GGT7: variants seen among roughly 807,000 people sequenced by gnomAD.
GGT7 encodes the protein glutathione hydrolase 7.
In GGT7, 30 loss-of-function variants were observed where a neutral mutation model predicts 69.2. The observed-to-expected ratio is 0.43, with a 90% confidence interval of 0.32 to 0.59. The LOEUF (loss-of-function observed/expected upper bound fraction) is 0.59, where lower values mean the gene tolerates loss of function less well. Among genes scored for constraint, GGT7 ranks in the 20% least tolerant of loss-of-function variants. The pLI is 0.05. For missense variants in GGT7, 733 were observed against 901.1 expected, an observed-to-expected ratio of 0.81 and a Z score of 2.39; for synonymous variants, 388 against 391.8, an observed-to-expected ratio of 0.99 and a Z score of 0.12.
chr20:34,859,167 C>T (rs1291797394), intron 7 of GGT7, among the ~76,000 whole-genome samples: 1 of 84,834 alleles, frequency 1.2e-5, no homozygotes, highest in African/African-American at 8.6e-5. Flanking sequence ...AGGACTCCGT[C>T]TCATAAAAAA....
rs756059919 is a variant in GGT7, at chr20:34,852,137, C to A, written c.1587+18G>T. The A allele has an allele frequency of 5.3e-6, 8 of 1,497,072 alleles. No individual in the cohort carries two copies. The African/African-American group carries it at 1.1e-4, about 21-fold the overall frequency. The allele number at this position is 1,497,072 out of a possible 1,614,324, so 92.7% of individuals were successfully genotyped here. A position where few individuals can be genotyped will look rare whatever the true frequency, so the allele number is the denominator to read the frequency against. On this transcript the variant is annotated intron_variant, in intron 12 of 14. Transcript: ENST00000336431. Reference sequence around the variant, plus strand: ...ATAGGCCTCAGGGTCCCCAGGAAAGCAGGGAAGCAAATCCTACCAGGCTGG... The same window carrying A: ...ATAGGCCTCAGGGTCCCCAGGAAAGAAGGGAAGCAAATCCTACCAGGCTGG...
rs1194935577 is a variant in GGT7 at position 34,862,979 on chromosome 20, G to A, written c.406-14C>T. 6.2e-7 allele frequency: 1 copy of A among 1,608,524 alleles called. No individual in the cohort carries two copies. The highest frequency in any genetic ancestry group is 8.5e-7 in the Non-Finnish European group (1 of 1,177,486). On this transcript the variant is annotated splice_polypyrimidine_tract_variant and intron_variant, in intron 2 of 14. Transcript: ENST00000336431. ...CTGCTGGAAGATCTGGGAGGGGAAA[G>A]AGGACTTGGTGGGGGCAGGAGGAGC...
rs574770592 is a variant in GGT7 at position 34,851,547 on chromosome 20, C to T, written c.1588-179G>A. Reference sequence around the variant, plus strand: ...GCTATCTGTGAAATGGGTAGGGTGCCTGGATGGGTGGGGTGGATGGGGGAG... The same window carrying T: ...GCTATCTGTGAAATGGGTAGGGTGCTTGGATGGGTGGGGTGGATGGGGGAG... On this transcript the variant is annotated intron_variant, in intron 12 of 14. Transcript: ENST00000336431. Among the ~76,000 whole-genome samples the T allele has an allele frequency of 3.0e-4, 45 of 152,222 alleles. No individual in the cohort carries two copies. In the South Asian group the frequency reaches 8.7e-3, roughly 29 times the overall value.
rs1410576751 is a variant in GGT7 at position 34,863,862 on chromosome 20, G to T, written c.170-314C>A. On this transcript the variant is annotated intron_variant, in intron 1 of 14. Transcript: ENST00000336431. The surrounding 1 kb of genome is among the most constrained non-coding windows in gnomAD (Gnocchi z 4.4). ...AACACTTCCTGGGGGGTGGGGTGGG[G>T]GTTCCAGCCCTCAGTGGAAATCGGA... 1 of 549,122 alleles carries T rather than the reference G, an allele frequency of 1.8e-6. No individual in the cohort carries two copies. The allele number at this position is 549,122 out of a possible 1,614,324, so 34.0% of individuals were successfully genotyped here. A position where few individuals can be genotyped will look rare whatever the true frequency, so the allele number is the denominator to read the frequency against.
chr20:34,848,001 G>A (rs950307613), intron 14 of GGT7, among the ~76,000 whole-genome samples: 15 of 152,176 alleles, frequency 9.9e-5, no homozygotes, highest in African/African-American at 3.4e-4. Context: ...GCTGAGGCAC[G>A]AGAATCACTT....
chr20:34,845,145 CCACCACCA>C lies in GGT7; in HGVS notation c.*175_*182del. On this transcript the variant is annotated 3_prime_UTR_variant, in exon 15 of 15. Coordinates refer to ENST00000336431, the MANE Select transcript of GGT7 (RefSeq NM_178026.3). The stretch of plus-strand genomic sequence containing the variant: ...ACCACCACCACCACCACCACCACCA[CCACCACCA>C]CAGGCCTCCTGATGGAGAATTTTCC... The C allele has an allele frequency of 1.9e-6, 1 of 523,338 alleles. No individual in the cohort carries two copies. The allele number at this position is 523,338 out of a possible 1,614,324, so 32.4% of individuals were successfully genotyped here. A position where few individuals can be genotyped will look rare whatever the true frequency, so the allele number is the denominator to read the frequency against.
chr20:34,860,019 G>C lies in GGT7; in HGVS notation c.767C>G (p.Ala256Gly). The change falls in exon 6 of 15, where the codon GCC becomes GGC. Residue 256 changes from alanine (A) to glycine (G), a missense_variant. Transcript: ENST00000336431. Reference sequence around the variant, plus strand: ...ATCTTGGGCCACAGCTGCTGCAAAGGCCAGGACTTGGGACCATGGCAGCCT... The same window carrying C: ...ATCTTGGGCCACAGCTGCTGCAAAGCCCAGGACTTGGGACCATGGCAGCCT... ...YGRLPWSQVL[A>G]FAAAVAQDGF... 1 of 1,531,972 alleles carries C rather than the reference G, an allele frequency of 6.5e-7. No individual in the cohort carries two copies. Among genetic ancestry groups the C allele is most frequent in the African/African-American group, 1.4e-5 (1 of 72,388 alleles). The allele number at this position is 1,531,972 out of a possible 1,614,324, so 94.9% of individuals were successfully genotyped here.
In GGT7 at chr20:34,872,545, G is replaced by C. The variant is rs543209061; in HGVS notation, c.169+102C>G. ...AGAAGGGAGAGATCCAAGAAGATGG[G>C]GATGAATTAAGGAGATGGAGCTGGA... On this transcript the variant is annotated intron_variant, in intron 1 of 14. Coordinates refer to ENST00000336431, the MANE Select transcript of GGT7 (RefSeq NM_178026.3). The C allele has an allele frequency of 2.4e-5, 18 of 756,772 alleles. No individual in the cohort carries two copies. In the African/African-American group the frequency reaches 3.3e-4, roughly 14 times the overall value. The allele number at this position is 756,772 out of a possible 1,614,324, so 46.9% of individuals were successfully genotyped here. A position where few individuals can be genotyped will look rare whatever the true frequency, so the allele number is the denominator to read the frequency against.
At chr20:34,860,148 T>C in intron 5 of GGT7, 106 bp from the exon 6 acceptor site, 1 of 1,000,468 alleles carries the variant, frequency 1.0e-6, no homozygotes, top group Non-Finnish European at 1.6e-6. Flanking sequence ...GGGAAGGGGA[T>C]ATTAGGAGGG....
At position 34,863,821 on chromosome 20, in the gene GGT7, A is replaced by G. The variant is rs1001630875; in HGVS notation, c.170-273T>C. On this transcript the variant is annotated intron_variant, in intron 1 of 14. Transcript: ENST00000336431. This position sits in a 1 kb window ranked among gnomAD's most constrained non-coding sequence, Gnocchi z 4.4. Reference sequence around the variant, plus strand: ...ACCTAGGCCAAATTTCCTGGCACCCAGGGCCCAGGGCTGAGAACACTTCCT... The same window carrying G: ...ACCTAGGCCAAATTTCCTGGCACCCGGGGCCCAGGGCTGAGAACACTTCCT... 6.1e-6 allele frequency: 4 copies of G among 658,632 alleles called. No homozygotes were observed. The highest frequency in any genetic ancestry group is 1.1e-5 in the Non-Finnish European group (4 of 348,794). The allele number at this position is 658,632 out of a possible 1,614,324, so 40.8% of individuals were successfully genotyped here.
Position 34,852,218 on chromosome 20 carries a change from G to A in GGT7, c.1524C>T (p.Leu508=), listed in dbSNP as rs750508603. The A allele has an allele frequency of 1.5e-5, 25 of 1,614,062 alleles. No homozygotes were observed. Among genetic ancestry groups the A allele is most frequent in the Non-Finnish European group, 1.9e-5 (22 of 1,179,904 alleles). The stretch of plus-strand genomic sequence containing the variant: ...AGGAGAAGTCCAGCATCTGGCTGTT[G>A]AGCAGGATCCCCGAGGGGGTGATAA... ...SGLITPSGIL[L]NSQMLDFSWP... is the part of the protein sequence containing the mutation. The change falls in exon 12 of 15, where the codon CTC becomes CTT. Residue 508 remains leucine, a synonymous_variant. Coordinates refer to ENST00000336431, the MANE Select transcript of GGT7 (RefSeq NM_178026.3).
chr20:34,845,127 CCA>C lies in GGT7; in HGVS notation c.*199_*200del. ...ATGCTGACACTCACCACCACCACCA[CCA>C]CCACCACCACCACCACCACCACCAC... On this transcript the variant is annotated 3_prime_UTR_variant, in exon 15 of 15. Transcript: ENST00000336431. The C allele has an allele frequency of 2.3e-6, 1 of 438,498 alleles. No homozygotes were observed. The highest frequency in any genetic ancestry group is 2.3e-5 in the South Asian group (1 of 44,248). 27.2% of individuals were successfully genotyped at this position (438,498 alleles called of 1,614,324 possible).
chr20:34,867,063 C>CTTG (rs372987226), intron 1 of GGT7, among the ~76,000 whole-genome samples: 1,709 of 151,802 alleles, frequency 0.011, 26 homozygotes, highest in African/African-American at 0.038. Context: ...CTAGAAATGT[C>CTTG]TTGTTGTTGT....
In GGT7 at chr20:34,861,477, C is replaced by A; in HGVS notation, c.643G>T (p.Glu215Ter). The A allele has an allele frequency of 1.3e-6, 2 of 1,557,620 alleles. No homozygotes were observed. The highest frequency in any genetic ancestry group is 1.2e-5 in the South Asian group (1 of 84,916). Residue 215 changes from glutamate (E) to a stop codon, truncating the protein, a stop_gained, in exon 4 of 15, where the codon GAA becomes TAA. Coordinates refer to ENST00000336431, the MANE Select transcript of GGT7 (RefSeq NM_178026.3). LOFTEE classifies it high-confidence loss of function. ...TCCCAGGATCTTTGCAGGGTCTCTT[C>A]CCTGAGGGCCCCTGGTGCGGACTCC... is the stretch of plus-strand genomic sequence containing the variant. The part of the protein sequence containing the change: ...FRESAPGALR[E>*]ETLQRSWETK...
rs1325489682 is a variant in GGT7 at position 34,862,797 on chromosome 20, C to T, written c.557+17G>A. ...AAGAAGTAGGCCTGGGGGACCCCGA[C>T]CTCCACTGCTCCTTACCCGCCCAGG... On this transcript the variant is annotated intron_variant, in intron 3 of 14. Transcript: ENST00000336431. 1 of 1,613,602 alleles carries T rather than the reference C, an allele frequency of 6.2e-7. No individual in the cohort carries two copies.
chr20:34,870,493 GT>G (rs2079761091), intron 1 of GGT7, among the ~76,000 whole-genome samples: 2 of 152,042 alleles, frequency 1.3e-5, no homozygotes, highest in East Asian at 1.9e-4. Context: ...TGTTGTTGTT[GT>G]TTGTTTGTTT....
chr20:34,861,508 A>G lies in GGT7; in HGVS notation c.612T>C (p.Asp204=). ...DIRRNESHLI[D]FRESAPGALR... Reference sequence around the variant, plus strand: ...GGGCCCCTGGTGCGGACTCCCGGAAATCAATTAGGTGGCTCTCATTTCGTC... The same window carrying G: ...GGGCCCCTGGTGCGGACTCCCGGAAGTCAATTAGGTGGCTCTCATTTCGTC... Residue 204 remains aspartate, a synonymous_variant, in exon 4 of 15, where the codon GAT becomes GAC. Coordinates refer to ENST00000336431, the MANE Select transcript of GGT7 (RefSeq NM_178026.3). The G allele has an allele frequency of 1.3e-6, 2 of 1,547,272 alleles. No individual in the cohort carries two copies. Among genetic ancestry groups the G allele is most frequent in the Middle Eastern group, 3.7e-4 (2 of 5,474 alleles).
intron 1 of GGT7, among the ~76,000 whole-genome samples, chr20:34,870,912 C>T (rs947273424): frequency 2.6e-5 from 4 of 151,974 alleles, no homozygotes; most frequent in African/African-American, 9.7e-5. Context: ...CTGCCTCAGC[C>T]TCCCGAGTAG....
chr20:34,864,115 T>C (rs1323420754), intron 1 of GGT7, among the ~76,000 whole-genome samples: 2 of 152,014 alleles, frequency 1.3e-5, no homozygotes, highest in Non-Finnish European at 2.9e-5. Flanking sequence ...TAATTACAAG[T>C]TGTGGCAGGT....
Sources: allele counts gnomAD v4.1 joint callset (sites outside exome capture counted in the v4.1 genomes callset), GRCh38; gene constraint gnomAD v4.1.1; non-coding constraint Gnocchi (gnomAD v3.1); transcripts MANE v1.5; gene names NCBI Gene and HGNC (gene_info 2026-07-23, HGNC 2026-07-21).